The following SEC23IP variants were observed in gnomAD, a reference collection of about 807,000 sequenced individuals.
SEC23IP encodes the protein SEC23 interacting protein.
SEC23IP carries 70 observed loss-of-function variants against 113.4 expected under a neutral mutation model. The observed-to-expected ratio is 0.62, with a 90% CI of 0.51 to 0.75. SEC23IP has a LOEUF of 0.75. Ranked by LOEUF, SEC23IP falls within the 30% of genes least tolerant of loss-of-function variation. The probability of loss-of-function intolerance (pLI) is 0.00; values close to 1 mark genes in which losing one functional copy is unlikely to be tolerated. For missense variants in SEC23IP, 1,160 were observed against 1,204.9 expected (o/e 0.96, Z 0.55); for synonymous variants, 398 against 421.0 (o/e 0.95, Z 0.67).
intron 8 of SEC23IP, among the ~76,000 whole-genome samples, chr10:119,916,244 A>G (rs1226941152): frequency 2.0e-5 from 3 of 152,194 alleles, no homozygotes; most frequent in Non-Finnish European, 4.4e-5. Flanking sequence ...CCTGGAGGGT[A>G]AAAATCACCC....
intron 1 of SEC23IP, among the ~76,000 whole-genome samples, chr10:119,893,600 G>A (rs1025500797): frequency 4.9e-5 from 7 of 141,566 alleles, no homozygotes; most frequent in Non-Finnish European, 9.0e-5. Context: ...GCTCACTGCA[G>A]CCTCCACCTT....
intron 11 of SEC23IP, 59 bp from the exon 12 acceptor site, chr10:119,920,830 C>T (rs1265380625): frequency 1.7e-6 from 2 of 1,155,954 alleles, no homozygotes; most frequent in Admixed American, 4.3e-5. Flanking sequence ...TTTTCATATT[C>T]TCATTTCAGT....
chr10:119,914,985 T>C (rs1224308952), intron 7 of SEC23IP, among the ~76,000 whole-genome samples, 166 bp downstream of exon 7: 4 of 152,222 alleles, frequency 2.6e-5, no homozygotes, highest in Non-Finnish European at 5.9e-5. Context: ...CTTGATTTGC[T>C]CTTGTGACAT....
chr10:119,919,780 C>T (rs1385092822), intron 11 of SEC23IP, among the ~76,000 whole-genome samples, 184 bp downstream of exon 11: 1 of 152,084 alleles, frequency 6.6e-6, no homozygotes, highest in Non-Finnish European at 1.5e-5. Flanking sequence ...GAGTATGATG[C>T]AAAATCCAGA....
intron 1 of SEC23IP, among the ~76,000 whole-genome samples, chr10:119,897,996 C>T (rs556643799): frequency 8.3e-5 from 12 of 144,726 alleles, no homozygotes; most frequent in Admixed American, 1.4e-4. Flanking sequence ...CAGAGCGAGA[C>T]GCCGTCTCAA....
intron 12 of SEC23IP, among the ~76,000 whole-genome samples, chr10:119,921,363 G>A (rs1175121124): frequency 2.0e-5 from 3 of 152,178 alleles, no homozygotes; most frequent in South Asian, 2.1e-4. Context: ...ATTTTGAGAT[G>A]GGATCTTGCT....
intron 13 of SEC23IP, among the ~76,000 whole-genome samples, chr10:119,927,595 C>G (rs1333821106): frequency 6.6e-6 from 1 of 152,162 alleles, no homozygotes; most frequent in Non-Finnish European, 1.5e-5. Context: ...CCAAATTTCC[C>G]CTTTTTATGT....
At chr10:119,926,365 A>T (rs538554275) in intron 13 of SEC23IP, 138 bp downstream of exon 13, 2 of 907,968 alleles carry the variant, frequency 2.2e-6, no homozygotes, top group East Asian at 2.6e-5. Context: ...CTCTTAGTGA[A>T]AATTTTTTTC....
intron 5 of SEC23IP, among the ~76,000 whole-genome samples, chr10:119,911,508 C>T (rs889078687): frequency 3.9e-5 from 6 of 151,900 alleles, no homozygotes; most frequent in African/African-American, 1.5e-4. Context: ...CAGGATTTTG[C>T]TCTGTTGCCC....
chr10:119,905,027 G>A (rs888199171), intron 4 of SEC23IP, among the ~76,000 whole-genome samples: 4 of 152,088 alleles, frequency 2.6e-5, no homozygotes, highest in African/African-American at 9.7e-5. Context: ...CGAGCTACTC[G>A]GGAGGCTGAA....
chr10:119,936,328 G>A lies in SEC23IP; in HGVS notation c.*20+2541G>A, dbSNP rs140815951. ...TAATCCCAGTTTGAGAGGCCGAGGC[G>A]GGCAGATCACTTGAGGTCAGGAGTT... On this transcript the variant is annotated intron_variant, in intron 18 of 18. Transcript: ENST00000369075. Among the ~76,000 whole-genome samples the A allele has an allele frequency of 5.1e-3, 767 of 151,804 alleles. 26 individuals carry two copies. The East Asian group carries it at 0.1, about 21-fold the overall frequency.
chr10:119,933,304 G>A (rs1036038851), intron 17 of SEC23IP, 137 bp downstream of exon 17: 17 of 794,940 alleles, frequency 2.1e-5, no homozygotes, highest in East Asian at 1.8e-4. Context: ...GTTCAGAATC[G>A]TTATTTTTCC....
chr10:119,943,795 A>C lies in SEC23IP; in HGVS notation c.*3230A>C, dbSNP rs1188874575. 1 of 152,184 alleles carries C rather than the reference A, an allele frequency of 6.6e-6. No individual in the cohort carries two copies. Among genetic ancestry groups the C allele is most frequent in the East Asian group, 1.9e-4 (1 of 5,190 alleles). The allele number at this position is 152,184 out of a possible 1,614,324, so 9.4% of individuals were successfully genotyped here. A position where few individuals can be genotyped will look rare whatever the true frequency, so the allele number is the denominator to read the frequency against. On this transcript the variant is annotated 3_prime_UTR_variant, in exon 19 of 19. Transcript: ENST00000369075. The stretch of plus-strand genomic sequence containing the variant: ...TCAATATATGAAATTTTATGATGAC[A>C]CATAAAACAGGCCAGGGGTTATTGA...
At chr10:119,902,666 G>A (rs1208217122) in intron 2 of SEC23IP, 133 bp from the exon 3 acceptor site, 1 of 729,954 alleles carries the variant, frequency 1.4e-6, no homozygotes, top group East Asian at 2.5e-5. Flanking sequence ...AATTGCTTTG[G>A]GGTCTAGTTA....
At position 119,926,007 on chromosome 10, in the gene SEC23IP, T is replaced by A. The variant is rs181095073; in HGVS notation, c.2122-29T>A. 138 of 1,578,614 alleles carry A rather than the reference T, an allele frequency of 8.7e-5. No individual in the cohort carries two copies. In the African/African-American group the frequency reaches 1.8e-3, roughly 20 times the overall value. On this transcript the variant is annotated intron_variant, in intron 12 of 18. Coordinates refer to ENST00000369075, the MANE Select transcript of SEC23IP (RefSeq NM_007190.4). ...CTGAGAGCTGAACTTTTTCTCATGA[T>A]TATGTTACTAAATTTTGGTATTTTA...
intron 3 of SEC23IP, 66 bp downstream of exon 3, chr10:119,903,075 A>G (rs1379061016): frequency 6.9e-6 from 9 of 1,310,044 alleles, no homozygotes; most frequent in Non-Finnish European, 8.6e-6. Context: ...TCATTTATTC[A>G]TGATCTATTT....
Position 119,904,184 on chromosome 10 carries a change from G to A in SEC23IP, c.1008G>A (p.Glu336=), listed in dbSNP as rs200757283. Residue 336 remains glutamate, a synonymous_variant, in exon 4 of 19, where the codon GAG becomes GAA. Coordinates refer to ENST00000369075, the MANE Select transcript of SEC23IP (RefSeq NM_007190.4). ...GGAAGGCTGCCTACTGGGAAGAGGA[G>A]CCAGCCGAAGTGAGACGCTGTACTT... ...RIRKAAYWEE[E]PAEVRRCTWF... is the part of the protein sequence containing the mutation. The A allele has an allele frequency of 6.2e-7, 1 of 1,614,234 alleles. No individual in the cohort carries two copies. The highest frequency in any genetic ancestry group is 2.2e-5 in the East Asian group (1 of 44,892).
At chr10:119,929,836 A>T (rs1449665203) in intron 14 of SEC23IP, 74 bp downstream of exon 14, 4 of 1,031,244 alleles carry the variant, frequency 3.9e-6, no homozygotes, top group Non-Finnish European at 5.7e-6. Flanking sequence ...TTTTATAGAG[A>T]TGGGGTCTTA....
At chr10:119,934,574 T>G (rs1855713765) in intron 18 of SEC23IP, among the ~76,000 whole-genome samples, 1 of 152,274 alleles carries the variant, frequency 6.6e-6, no homozygotes, top group Non-Finnish European at 1.5e-5. Context: ...TATGCATTAC[T>G]TTTAAAAACA....
Sources: allele counts gnomAD v4.1 joint callset (sites outside exome capture counted in the v4.1 genomes callset), GRCh38; gene constraint gnomAD v4.1.1; transcripts MANE v1.5; gene names NCBI Gene and HGNC (gene_info 2026-07-23, HGNC 2026-07-21).